DAB1: variants seen among roughly 807,000 people sequenced by gnomAD.
DAB1 encodes disabled homolog 1.
A neutral mutation model predicts 64.6 loss-of-function variants in DAB1; 15 were observed. The ratio of observed to expected loss-of-function variants is 0.23; its 90% CI spans 0.16 to 0.36. DAB1 has a LOEUF of 0.36. DAB1 is among the 10% of genes least tolerant of loss of function. The probability of loss-of-function intolerance (pLI) is 1.00; values close to 1 mark genes in which losing one functional copy is unlikely to be tolerated. For synonymous variants in DAB1, 235 were observed against 251.9 expected (o/e 0.93, Z 0.64); for missense variants, 596 against 706.7 (o/e 0.84, Z 1.78).
chr1:57,930,590 A>AT (rs1006962811), intron 5 of DAB1, among the ~76,000 whole-genome samples: 4 of 151,926 alleles, frequency 2.6e-5, no homozygotes, highest in African/African-American at 7.3e-5. Context: ...AGATTTTGTT[A>AT]TTTTTTGTCA....
At chr1:58,338,656 C>A (rs555943209) in intron 4 of DAB1, among the ~76,000 whole-genome samples, 11 of 152,110 alleles carry the variant, frequency 7.2e-5, no homozygotes, top group African/African-American at 2.4e-4. Context: ...GTAGGAGTGA[C>A]AGAGGAAAAA....
chr1:58,353,633 T>C (rs1644080270), intron 3 of DAB1, among the ~76,000 whole-genome samples: 1 of 152,190 alleles, frequency 6.6e-6, no homozygotes, highest in Non-Finnish European at 1.5e-5. Flanking sequence ...AGATTTTCCA[T>C]GTTTCAATTA....
At chr1:58,440,407 C>T (rs906524832) in intron 3 of DAB1, among the ~76,000 whole-genome samples, 4 of 152,118 alleles carry the variant, frequency 2.6e-5, no homozygotes, top group East Asian at 1.9e-4. Flanking sequence ...TGGCTGAGGT[C>T]GCAGGAGCAC....
At chr1:57,276,121 G>T (rs1671439070) in intron 2 of DAB1, among the ~76,000 whole-genome samples, 1 of 152,222 alleles carries the variant, frequency 6.6e-6, no homozygotes, top group African/African-American at 2.4e-5. Context: ...ATACACAGAA[G>T]GATCAGACAG....
intron 1 of DAB1, among the ~76,000 whole-genome samples, chr1:57,305,837 C>T (rs1018147183): frequency 5.9e-5 from 9 of 151,782 alleles, no homozygotes; most frequent in South Asian, 4.2e-4. Flanking sequence ...GGCGCGGTTA[C>T]GGGTGCCTGT....
At chr1:57,860,121 G>A (rs1286170476) in intron 1 of DAB1, among the ~76,000 whole-genome samples, 2 of 152,142 alleles carry the variant, frequency 1.3e-5, no homozygotes, top group African/African-American at 4.8e-5. Context: ...CAGGATATGG[G>A]TAACTGGATC....
chr1:57,809,695 T>C (rs1031569852), intron 6 of DAB1, among the ~76,000 whole-genome samples: 1 of 151,992 alleles, frequency 6.6e-6, no homozygotes, highest in African/African-American at 2.4e-5. Flanking sequence ...TGCAGATGGG[T>C]TCTCCCCACA....
intron 6 of DAB1, among the ~76,000 whole-genome samples, chr1:57,737,912 G>A (rs1372202137): frequency 6.6e-6 from 1 of 152,178 alleles, no homozygotes; most frequent in African/African-American, 2.4e-5. Context: ...CTGATGACTG[G>A]AACTAGGGCA....
intron 9 of DAB1, among the ~76,000 whole-genome samples, chr1:57,058,331 G>A (rs538296489): frequency 1.7e-4 from 26 of 152,302 alleles, no homozygotes; most frequent in Non-Finnish European, 2.8e-4. Context: ...AGTTTGACAC[G>A]GCGTCTTTGG....
At chr1:57,902,760 T>G (rs562846535) in intron 5 of DAB1, among the ~76,000 whole-genome samples, 6 of 152,284 alleles carry the variant, frequency 3.9e-5, no homozygotes, top group Admixed American at 3.9e-4. Flanking sequence ...AAAGGTACCT[T>G]TTCCCTGTGT....
rs1364222961 is a variant in DAB1 at position 57,029,030 on chromosome 1, A to C, written c.724-2987T>G. On this transcript the variant is annotated intron_variant, in intron 9 of 14. Coordinates refer to ENST00000371236, the MANE Select transcript of DAB1 (RefSeq NM_001365792.1). ...ATCATGGGGAAAATGTCTCCAGGCC[A>C]TGTCAGAGACCTTCATGGCAGCCCT... 2.0e-5 allele frequency among the ~76,000 whole-genome samples: 3 copies of C among 152,352 alleles called. No homozygotes were observed. The East Asian group carries it at 5.8e-4, about 29-fold the overall frequency.
intron 3 of DAB1, among the ~76,000 whole-genome samples, chr1:58,425,759 T>C (rs1644816346): frequency 6.6e-6 from 1 of 151,938 alleles, no homozygotes; most frequent in Non-Finnish European, 1.5e-5. Flanking sequence ...AAAGAAAACC[T>C]TCTCAAAGGC....
intron 7 of DAB1, among the ~76,000 whole-genome samples, chr1:57,594,075 T>A (rs1394353529): frequency 6.6e-6 from 1 of 152,200 alleles, no homozygotes; most frequent in South Asian, 2.1e-4. Flanking sequence ...TATCAGAAGA[T>A]GAAAGGCAGG....
At chr1:57,851,610 G>C (rs1653528778) in intron 1 of DAB1, among the ~76,000 whole-genome samples, 1 of 152,158 alleles carries the variant, frequency 6.6e-6, no homozygotes, top group African/African-American at 2.4e-5. Context: ...CTCTGCCTTT[G>C]CTCCTGCAAG....
intron 3 of DAB1, among the ~76,000 whole-genome samples, chr1:58,418,221 G>A (rs1644739928): frequency 6.6e-6 from 1 of 152,176 alleles, no homozygotes; most frequent in East Asian, 1.9e-4. Flanking sequence ...AAGCCCTTTA[G>A]TCTAATTTAT....
chr1:58,345,994 G>A (rs1287523809), intron 3 of DAB1, among the ~76,000 whole-genome samples: 1 of 152,166 alleles, frequency 6.6e-6, no homozygotes, highest in Admixed American at 6.5e-5. Flanking sequence ...AGACACTGAG[G>A]AGAAATGGGC....
At chr1:58,259,269 G>C (rs1660999849) in intron 4 of DAB1, among the ~76,000 whole-genome samples, 1 of 152,166 alleles carries the variant, frequency 6.6e-6, no homozygotes, top group African/African-American at 2.4e-5. Context: ...AGGGAGATAG[G>C]ACAGGATTTC....
chr1:58,495,637 T>G (rs1238251751), intron 3 of DAB1, among the ~76,000 whole-genome samples: 1 of 152,070 alleles, frequency 6.6e-6, no homozygotes, highest in South Asian at 2.1e-4. Flanking sequence ...AAGAGCACTG[T>G]TGCAACCAAG....
intron 5 of DAB1, among the ~76,000 whole-genome samples, chr1:57,966,116 AG>A (rs1366442224): frequency 3.3e-5 from 5 of 152,318 alleles, no homozygotes; most frequent in African/African-American, 1.2e-4. Flanking sequence ...TGTTATATAA[AG>A]TAATGGGTTA....
Sources: allele counts gnomAD v4.1 joint callset (sites outside exome capture counted in the v4.1 genomes callset), GRCh38; gene constraint gnomAD v4.1.1; transcripts MANE v1.5; gene names NCBI Gene and HGNC (gene_info 2026-07-23, HGNC 2026-07-21).